The following SETD1B variants were observed in gnomAD, a reference collection of about 807,000 sequenced individuals.
The protein encoded by SETD1B is SET domain containing 1B, histone lysine methyltransferase.
SETD1B carries 7 observed loss-of-function variants against 148.0 expected under a neutral mutation model. The ratio of observed to expected loss-of-function variants is 0.05; its 90% CI spans 0.03 to 0.09. SETD1B has a LOEUF of 0.09. Ranked by LOEUF, SETD1B falls within the 10% of genes least tolerant of loss-of-function variation. The probability of loss-of-function intolerance (pLI) is 1.00; values close to 1 mark genes in which losing one functional copy is unlikely to be tolerated. For missense variants in SETD1B, 2,155 were observed against 2,729.9 expected, an observed-to-expected ratio of 0.79 and a Z score of 4.69; for synonymous variants, 1,361 against 1,186.5, an observed-to-expected ratio of 1.15 and a Z score of -3.02.
rs1337737899 is a variant in SETD1B at position 121,805,147 on chromosome 12, C to A, written c.204C>A (p.Val68=). 6.4e-7 allele frequency: 1 copy of A among 1,551,648 alleles called. No homozygotes were observed. Among genetic ancestry groups the A allele is most frequent in the South Asian group, 1.2e-5 (1 of 84,056 alleles). The change falls in exon 3 of 17, where the codon GTC becomes GTA. Residue 68 remains valine, a synonymous_variant. Coordinates refer to ENST00000604567, the MANE Select transcript of SETD1B (RefSeq NM_001353345.2). The surrounding 1 kb of genome is among the most constrained non-coding windows in gnomAD (Gnocchi z 4.2). ...CCAGCAACCGCCCGGTGGAAATTGT[C>A]GAAGATCCCCGGGTCGTCGGGATCT... ...AMSSNRPVEI[V]EDPRVVGIWT...
At chr12:121,826,363 G>A (rs1876838157) in intron 13 of SETD1B, among the ~76,000 whole-genome samples, 6 of 152,224 alleles carry the variant, frequency 3.9e-5, no homozygotes, top group Admixed American at 3.9e-4. Flanking sequence ...CCCAGGCGAA[G>A]TGTGGGAAGG....
intron 6 of SETD1B, among the ~76,000 whole-genome samples, chr12:121,811,806 G>A (rs1407364903): frequency 6.6e-6 from 1 of 152,326 alleles, no homozygotes; most frequent in South Asian, 2.1e-4. Context: ...TGGCTTGCCT[G>A]GGAGGGTGCT....
rs1487346515 is a variant in SETD1B, at chr12:121,830,852, A to C, written c.*613A>C. On this transcript the variant is annotated 3_prime_UTR_variant, in exon 17 of 17. Coordinates refer to ENST00000604567, the MANE Select transcript of SETD1B (RefSeq NM_001353345.2). This position sits in a 1 kb window ranked among gnomAD's most constrained non-coding sequence, Gnocchi z 5.7. Reference sequence around the variant, plus strand: ...AGCGCCCCTCACTGCCCGTGGGCACAGTGAGGAGACCCCACACCTTTCCCC... The same window carrying C: ...AGCGCCCCTCACTGCCCGTGGGCACCGTGAGGAGACCCCACACCTTTCCCC... The C allele has an allele frequency of 3.3e-5, 5 of 152,318 alleles. No homozygotes were observed. Among genetic ancestry groups the C allele is most frequent in the Non-Finnish European group, 7.3e-5 (5 of 68,228 alleles). The allele number at this position is 152,318 out of a possible 1,614,324, so 9.4% of individuals were successfully genotyped here. A position where few individuals can be genotyped will look rare whatever the true frequency, so the allele number is the denominator to read the frequency against.
the SETD1B span, among the ~76,000 whole-genome samples, chr12:121,798,398 G>C: frequency 1.4e-5 from 2 of 146,340 alleles, no homozygotes; most frequent in Admixed American, 6.6e-5. Flanking sequence ...GGGCTGGTGC[G>C]GGGGGAAGCT....
intron 11 of SETD1B, among the ~76,000 whole-genome samples, chr12:121,820,189 C>G (rs1876501801): frequency 6.6e-6 from 1 of 152,210 alleles, no homozygotes; most frequent in Non-Finnish European, 1.5e-5. Flanking sequence ...TGAGATGCTC[C>G]CCAAAAGGAG....
chr12:121,800,114 G>A (rs1447188448), upstream of SETD1B: 1 of 152,096 alleles, frequency 6.6e-6, no homozygotes, highest in Non-Finnish European at 1.5e-5. Flanking sequence ...GAGTCAGAAG[G>A]TTCAACCCCG....
upstream of SETD1B, chr12:121,803,175 G>T (rs1875483779): frequency 6.8e-6 from 1 of 146,832 alleles, no homozygotes; most frequent in African/African-American, 2.5e-5. The surrounding 1 kb of genome is among the most constrained non-coding windows in gnomAD (Gnocchi z 4.7). Flanking sequence ...ACGCGTCCTC[G>T]CGAAGCCCGG....
rs1488044070 is a variant in SETD1B at position 121,830,373 on chromosome 12, G to A, written c.*134G>A. 1 of 836,002 alleles carries A rather than the reference G, an allele frequency of 1.2e-6. No individual in the cohort carries two copies. The highest frequency in any genetic ancestry group is 1.8e-6 in the Non-Finnish European group (1 of 556,836). 51.8% of individuals were successfully genotyped at this position (836,002 alleles called of 1,614,324 possible). On this transcript the variant is annotated 3_prime_UTR_variant, in exon 17 of 17. Transcript: ENST00000604567. The surrounding 1 kb of genome is among the most constrained non-coding windows in gnomAD (Gnocchi z 5.7). ...GTCCTCTACCCAGCGGCCATTCAGG[G>A]CCTGGCGCCCCACACTACCCCCTGG...
chr12:121,827,539 G>A lies in SETD1B; in HGVS notation c.5358G>A (p.Gln1786=). ...TGCAGGGCATGAGCATCCCAGCACA[G>A]CCCCACGCCTCCACCCGGGCAGGCT... ...ADTQGMSIPA[Q]PHASTRAGSE... is the part of the protein sequence containing the mutation. The change falls in exon 14 of 17, where the codon CAG becomes CAA. Residue 1786 remains glutamine (Q), a synonymous_variant. Transcript: ENST00000604567. 1 of 1,545,184 alleles carries A rather than the reference G, an allele frequency of 6.5e-7. No individual in the cohort carries two copies. The highest frequency in any genetic ancestry group is 1.2e-5 in the South Asian group (1 of 83,916).
chr12:121,792,973 G>A, the SETD1B span, among the ~76,000 whole-genome samples: 6 of 152,240 alleles, frequency 3.9e-5, no homozygotes, highest in Admixed American at 6.5e-5. Context: ...TTCCACTTAC[G>A]TATAGGGCTT....
the SETD1B span, among the ~76,000 whole-genome samples, chr12:121,790,182 G>GGT: frequency 6.6e-6 from 1 of 152,238 alleles, no homozygotes; most frequent in African/African-American, 2.4e-5. Flanking sequence ...GGGCCCCTGT[G>GGT]GGCAGCGTCC....
Position 121,805,100 on chromosome 12 carries a change from C to T in SETD1B, c.175-18C>T. 1.9e-6 allele frequency: 3 copies of T among 1,549,960 alleles called. No homozygotes were observed. Among genetic ancestry groups the T allele is most frequent in the Non-Finnish European group, 2.6e-6 (3 of 1,145,464 alleles). ...GGGACCAGTTCTCTCATCCCGGCCC[C>T]CCAATTTCTCCCCACAGATGTCCAG... On this transcript the variant is annotated intron_variant, in intron 2 of 16. Transcript: ENST00000604567. The surrounding 1 kb of genome is among the most constrained non-coding windows in gnomAD (Gnocchi z 4.2).
At chr12:121,815,167 C>T (rs1239386104) in intron 7 of SETD1B, among the ~76,000 whole-genome samples, 1 of 152,172 alleles carries the variant, frequency 6.6e-6, no homozygotes, top group Non-Finnish European at 1.5e-5. Flanking sequence ...TGGCGTACAC[C>T]TTTAATCCCA....
chr12:121,794,668 T>C, the SETD1B span, among the ~76,000 whole-genome samples: 2 of 152,130 alleles, frequency 1.3e-5, no homozygotes, highest in African/African-American at 4.8e-5. Flanking sequence ...GGCAGTGCTA[T>C]CAGGGCTGCT....
rs1405544049 is a variant in SETD1B, at chr12:121,804,933, C to G, written c.174+22C>G. 2.0e-6 allele frequency: 3 copies of G among 1,479,718 alleles called. No individual in the cohort carries two copies. The highest frequency in any genetic ancestry group is 2.5e-5 in the Admixed American group (1 of 40,054). The allele number at this position is 1,479,718 out of a possible 1,614,324, so 91.7% of individuals were successfully genotyped here. A position where few individuals can be genotyped will look rare whatever the true frequency, so the allele number is the denominator to read the frequency against. On this transcript the variant is annotated intron_variant, in intron 2 of 16. Coordinates refer to ENST00000604567, the MANE Select transcript of SETD1B (RefSeq NM_001353345.2). The surrounding 1 kb of genome is among the most constrained non-coding windows in gnomAD (Gnocchi z 4.6). ...GGCGGTGAGTAGCCGGCGCGCCCCCCCAGCCGTGCCCCGCGTCGTGTCCGG... is the reference window on the plus strand; with the variant it reads ...GGCGGTGAGTAGCCGGCGCGCCCCCGCAGCCGTGCCCCGCGTCGTGTCCGG...
chr12:121,810,591 A>C lies in SETD1B; in HGVS notation c.1646A>C (p.Asn549Thr). 1 of 1,547,448 alleles carries C rather than the reference A, an allele frequency of 6.5e-7. No homozygotes were observed. Among genetic ancestry groups the C allele is most frequent in the Non-Finnish European group, 8.7e-7 (1 of 1,146,442 alleles). The change falls in exon 6 of 17, where the codon AAC becomes ACC. Residue 549 changes from asparagine to threonine, a missense_variant. Physicochemically the swap from Asn to Thr is moderately conservative, Grantham distance 65. Transcript: ENST00000604567. The surrounding 1 kb of genome is among the most constrained non-coding windows in gnomAD (Gnocchi z 7.6). ...TCCCCACTGGCCCCCTTTGGCACCA[A>C]CTCCCAGCCAGGCTTCCGGGGCCCC... The part of the protein sequence containing the change: ...QLSPLAPFGT[N>T]SQPGFRGPTP...
At chr12:121,801,101 A>G (rs1875335036), upstream of SETD1B, 1 of 152,278 alleles carries the variant, frequency 6.6e-6, no homozygotes, top group East Asian at 1.9e-4. Context: ...CATGGTGCCA[A>G]CATGGACGCC....
At chr12:121,798,442 C>T in the SETD1B span, among the ~76,000 whole-genome samples, 1 of 152,232 alleles carries the variant, frequency 6.6e-6, no homozygotes, top group African/African-American at 2.4e-5. Context: ...CCTGCAGCCA[C>T]TCCCAGCAAT....
chr12:121,806,249 G>A lies in SETD1B; in HGVS notation c.544+144G>A, dbSNP rs960239512. The A allele has an allele frequency of 8.9e-6, 8 of 896,260 alleles. No homozygotes were observed. In the Middle Eastern group the frequency reaches 1.0e-3, roughly 116 times the overall value. The allele number at this position is 896,260 out of a possible 1,614,324, so 55.5% of individuals were successfully genotyped here. A position where few individuals can be genotyped will look rare whatever the true frequency, so the allele number is the denominator to read the frequency against. ...CCTTATTTCTTAGCCCCCTCCTGAG[G>A]GTAGAGTCGCGTGGAGCTAAATGTG... On this transcript the variant is annotated intron_variant, in intron 4 of 16. Coordinates refer to ENST00000604567, the MANE Select transcript of SETD1B (RefSeq NM_001353345.2).
Sources: gnomAD v4.1 joint callset for allele counts (sites outside exome capture counted in the v4.1 genomes callset) on GRCh38, gnomAD v4.1.1 for gene constraint, Gnocchi (gnomAD v3.1) non-coding constraint, MANE v1.5 for transcripts, NCBI Gene and HGNC (gene_info 2026-07-23, HGNC 2026-07-21) for gene names.